Variants in SUPT3H observed in about 807,000 individuals in gnomAD.
The protein encoded by SUPT3H is SPT3 homolog, SAGA and STAGA complex component, also known as transcription initiation protein SPT3 homolog.
In SUPT3H, 44 loss-of-function variants were observed where a neutral mutation model predicts 44.3. The ratio of observed to expected loss-of-function variants is 0.99; its 90% CI spans 0.78 to 1.28. SUPT3H has a LOEUF of 1.28. SUPT3H is among the 50% of genes most tolerant of loss of function. SUPT3H has a pLI of 0.00. For synonymous variants in SUPT3H, 124 were observed against 125.6 expected (o/e 0.99, Z 0.09); for missense variants, 380 against 387.1 (o/e 0.98, Z 0.15).
intron 2 of SUPT3H, among the ~76,000 whole-genome samples, chr6:45,350,479 A>C (rs1219546961): frequency 6.6e-6 from 1 of 152,230 alleles, no homozygotes; most frequent in African/African-American, 2.4e-5. Context: ...CAAAGGAAGC[A>C]GGGAATTGGT....
intron 2 of SUPT3H, among the ~76,000 whole-genome samples, chr6:45,235,531 C>G (rs1768929828): frequency 1.3e-5 from 2 of 151,866 alleles, no homozygotes; most frequent in South Asian, 2.1e-4. Flanking sequence ...TACCTGAGAC[C>G]TAAATTGTAC....
intron 2 of SUPT3H, among the ~76,000 whole-genome samples, chr6:45,129,131 G>A (rs915045193): frequency 1.6e-4 from 24 of 152,214 alleles, no homozygotes; most frequent in African/African-American, 5.3e-4. Context: ...TGTAGTTGCT[G>A]TATCAAGTTT....
At chr6:45,312,291 G>A (rs1784070857) in intron 2 of SUPT3H, among the ~76,000 whole-genome samples, 1 of 152,070 alleles carries the variant, frequency 6.6e-6, no homozygotes, top group Non-Finnish European at 1.5e-5. Context: ...TGCAGATCAC[G>A]AGGTCAGGAG....
At chr6:45,158,299 T>TATATATATATATATATA (rs1491302388) in intron 2 of SUPT3H, among the ~76,000 whole-genome samples, 25 of 13,382 alleles carry the variant, frequency 1.9e-3, no homozygotes, top group African/African-American at 5.5e-3. Flanking sequence ...TATATATATA[T>TATATATATATATATATA]TTTTTTTTTT....
At chr6:45,210,633 C>T (rs1763937881) in intron 2 of SUPT3H, among the ~76,000 whole-genome samples, 1 of 152,192 alleles carries the variant, frequency 6.6e-6, no homozygotes, top group African/African-American at 2.4e-5. Flanking sequence ...CCACCTTGAG[C>T]ACATGTCATC....
intron 2 of SUPT3H, among the ~76,000 whole-genome samples, chr6:45,197,979 C>A (rs935670745): frequency 6.0e-5 from 9 of 151,220 alleles, no homozygotes; most frequent in Non-Finnish European, 8.9e-5. Flanking sequence ...ACTCTGAATA[C>A]TGTTTAATAA....
chr6:44,917,707 CT>C (rs771504806), intron 10 of SUPT3H, among the ~76,000 whole-genome samples: 12 of 152,118 alleles, frequency 7.9e-5, no homozygotes, highest in Non-Finnish European at 1.6e-4. Flanking sequence ...GCCAAGCAGC[CT>C]AGAAGTTCTA....
chr6:44,951,881 T>A (rs1774373287), intron 9 of SUPT3H, among the ~76,000 whole-genome samples: 1 of 152,240 alleles, frequency 6.6e-6, no homozygotes, highest in Non-Finnish European at 1.5e-5. Context: ...GAAAGCATAC[T>A]TATACACATA....
At chr6:45,039,144 C>A (rs1000580684) in intron 3 of SUPT3H, among the ~76,000 whole-genome samples, 2 of 152,104 alleles carry the variant, frequency 1.3e-5, no homozygotes, top group African/African-American at 4.8e-5. Context: ...AACATAATTT[C>A]CTCTTTATTG....
chr6:44,913,035 T>A (rs543654773), intron 10 of SUPT3H, among the ~76,000 whole-genome samples: 1 of 152,280 alleles, frequency 6.6e-6, no homozygotes, highest in African/African-American at 2.4e-5. Context: ...GAAAAACTGA[T>A]TTCCCTGGCC....
Position 45,228,785 on chromosome 6 carries a change from A to G in SUPT3H, c.102-122779T>C, listed in dbSNP as rs145537843. 1.9e-3 allele frequency among the ~76,000 whole-genome samples: 283 copies of G among 152,230 alleles called. 2 individuals are homozygous for G. The highest frequency in any genetic ancestry group is 0.01 in the Middle Eastern group (3 of 294). On this transcript the variant is annotated intron_variant, in intron 2 of 10. Transcript: ENST00000371459. ...TCCCAAAGAAGCTGGGACTACAGGCATGCACCATCACACCAGGCTAATTTT... is the reference window on the plus strand; with the variant it reads ...TCCCAAAGAAGCTGGGACTACAGGCGTGCACCATCACACCAGGCTAATTTT...
intron 3 of SUPT3H, among the ~76,000 whole-genome samples, chr6:45,056,715 G>T (rs1791187075): frequency 6.6e-6 from 1 of 152,098 alleles, no homozygotes; most frequent in Non-Finnish European, 1.5e-5. Context: ...GCTGGGATGG[G>T]GTGAGGGATA....
At chr6:45,194,859 A>C (rs1489363013) in intron 2 of SUPT3H, among the ~76,000 whole-genome samples, 1 of 152,156 alleles carries the variant, frequency 6.6e-6, no homozygotes, top group Non-Finnish European at 1.5e-5. Context: ...AATGCTTAGC[A>C]ATTTTATTCC....
intron 2 of SUPT3H, among the ~76,000 whole-genome samples, chr6:45,364,063 C>G (rs1794718348): frequency 1.3e-5 from 2 of 151,070 alleles, no homozygotes; most frequent in South Asian, 4.2e-4. Flanking sequence ...TGCAGTGAGC[C>G]AAGATTGTGC....
chr6:45,231,896 T>C (rs1768131804), intron 2 of SUPT3H, among the ~76,000 whole-genome samples: 1 of 152,158 alleles, frequency 6.6e-6, no homozygotes. Flanking sequence ...GTGTATTTTG[T>C]ATTTCATAAA....
chr6:44,890,539 C>T (rs933451350), intron 10 of SUPT3H, among the ~76,000 whole-genome samples: 8 of 140,290 alleles, frequency 5.7e-5, no homozygotes, highest in African/African-American at 1.6e-4. Context: ...TATTCTCACT[C>T]ATAGGTGGGA....
intron 2 of SUPT3H, among the ~76,000 whole-genome samples, chr6:45,248,636 T>C (rs1234340794): frequency 1.3e-5 from 2 of 151,998 alleles, no homozygotes; most frequent in African/African-American, 4.8e-5. Flanking sequence ...CTCTCATACA[T>C]TGGTCAGGCG....
At chr6:45,350,078 C>A (rs759361524) in intron 2 of SUPT3H, among the ~76,000 whole-genome samples, 2 of 152,092 alleles carry the variant, frequency 1.3e-5, no homozygotes, top group African/African-American at 2.4e-5. Context: ...ATACACAAAA[C>A]TATAAACTGC....
intron 2 of SUPT3H, among the ~76,000 whole-genome samples, chr6:45,298,094 T>A (rs547025529): frequency 6.6e-6 from 1 of 152,176 alleles, no homozygotes; most frequent in Non-Finnish European, 1.5e-5. Context: ...ATGAAGTTCA[T>A]CTCTTTTCCA....
Sources: gnomAD v4.1 joint callset for allele counts (sites outside exome capture counted in the v4.1 genomes callset) on GRCh38, gnomAD v4.1.1 for gene constraint, MANE v1.5 for transcripts, NCBI Gene and HGNC (gene_info 2026-07-23, HGNC 2026-07-21) for gene names.